The following GYPB variants were observed in gnomAD, a reference collection of about 807,000 sequenced individuals.
GYPB encodes the protein glycophorin B (MNS blood group).
A neutral mutation model predicts 15.3 loss-of-function variants in GYPB; 13 were observed. That is an observed-to-expected ratio of 0.85 (90% confidence interval 0.55 to 1.35). The LOEUF (loss-of-function observed/expected upper bound fraction) is 1.35. Ranked by LOEUF, GYPB falls within the 40% of genes most tolerant of loss-of-function variation. The pLI is 0.00. For synonymous variants in GYPB, 38 were observed against 36.9 expected (o/e 1.03, Z -0.11); for missense variants, 131 against 108.3 (o/e 1.21, Z -0.93).
chr4:144,019,202 T>C lies in GYPB; in HGVS notation c.37+49A>G, dbSNP rs761289498. On this transcript the variant is annotated intron_variant, in intron 1 of 4. Transcript: ENST00000502664. Reference sequence around the variant, plus strand: ...ATAGGGTAGTTCATATTTTATTCTATGATCTCATACCCAATATAACAGAAC... The same window carrying C: ...ATAGGGTAGTTCATATTTTATTCTACGATCTCATACCCAATATAACAGAAC... The C allele has an allele frequency of 6.8e-6, 11 of 1,608,704 alleles. 2 individuals are homozygous for C. The South Asian group carries it at 1.2e-4, about 18-fold the overall frequency.
At chr4:143,995,864 A>C (rs1560701350), downstream of GYPB, among the ~76,000 whole-genome samples, 1 of 151,414 alleles carries the variant, frequency 6.6e-6, no homozygotes, top group Non-Finnish European at 1.5e-5. Flanking sequence ...CCGTTTCAGC[A>C]GTCAGGCACC....
At chr4:143,996,033 C>G, downstream of GYPB, 1 of 846,476 alleles carries the variant, frequency 1.2e-6, no homozygotes, top group Non-Finnish European at 1.7e-6. Context: ...TTCTTCTCAT[C>G]TATCCTACTG....
chr4:144,010,965 T>C (rs993410607), intron 1 of GYPB, among the ~76,000 whole-genome samples: 2 of 151,532 alleles, frequency 1.3e-5, no homozygotes, highest in Non-Finnish European at 2.9e-5. Context: ...AAACAAGGAA[T>C]CATATAATAA....
intron 1 of GYPB, among the ~76,000 whole-genome samples, chr4:144,003,007 A>T (rs979227587): frequency 7.3e-5 from 11 of 151,414 alleles, no homozygotes; most frequent in African/African-American, 2.5e-4. Context: ...TTCAGCACTC[A>T]GGTATAATGG....
intron 1 of GYPB, chr4:144,012,682 A>G (rs1728277287): frequency 6.6e-6 from 1 of 151,632 alleles, no homozygotes; most frequent in Non-Finnish European, 1.5e-5. Context: ...ATGGCCAATT[A>G]ACTTTCAAGA....
intron 1 of GYPB, among the ~76,000 whole-genome samples, chr4:144,006,001 TAA>T (rs1727894380): frequency 6.6e-6 from 1 of 151,614 alleles, no homozygotes; most frequent in South Asian, 2.1e-4. Context: ...CTCAGATTGA[TAA>T]GAGTTTAATG....
intron 1 of GYPB, among the ~76,000 whole-genome samples, chr4:144,011,413 C>T (rs149750347): frequency 0.012 from 1,788 of 150,998 alleles, 90 homozygotes; most frequent in African/African-American, 0.042. Context: ...TAAAACCAAA[C>T]AGGAATAACC....
At chr4:144,011,229 A>T (rs1728204808) in intron 1 of GYPB, among the ~76,000 whole-genome samples, 1 of 151,278 alleles carries the variant, frequency 6.6e-6, no homozygotes, top group South Asian at 2.1e-4. Context: ...AAATACAAAA[A>T]ATTAACTGGG....
At chr4:144,009,828 C>G (rs972098483) in intron 1 of GYPB, among the ~76,000 whole-genome samples, 4 of 150,290 alleles carry the variant, frequency 2.7e-5, no homozygotes, top group Admixed American at 6.6e-5. Context: ...TTAGCCAGGA[C>G]GATCTCGATC....
intron 1 of GYPB, among the ~76,000 whole-genome samples, chr4:144,005,734 A>G (rs1252269768): frequency 6.6e-6 from 1 of 151,754 alleles, no homozygotes; most frequent in Non-Finnish European, 1.5e-5. Flanking sequence ...GCTACCCAGG[A>G]ATAGACAGAC....
At chr4:144,004,102 G>C (rs1167843176) in intron 1 of GYPB, among the ~76,000 whole-genome samples, 1 of 151,726 alleles carries the variant, frequency 6.6e-6, no homozygotes, top group East Asian at 1.9e-4. Flanking sequence ...ATTTGAGACT[G>C]AAAGTTGCCA....
intron 1 of GYPB, among the ~76,000 whole-genome samples, chr4:144,004,542 C>T (rs1727793723): frequency 1.3e-5 from 2 of 151,318 alleles, no homozygotes; most frequent in African/African-American, 4.9e-5. Context: ...AATAGAATCA[C>T]ATGGGGGCAA....
chr4:144,002,859 T>G (rs1727700994), intron 1 of GYPB, among the ~76,000 whole-genome samples: 1 of 151,430 alleles, frequency 6.6e-6, no homozygotes, highest in Admixed American at 6.5e-5. Flanking sequence ...TGTCTATGTT[T>G]TCTCTTCTCT....
chr4:144,002,521 G>A (rs953895190), intron 1 of GYPB: 3 of 1,103,798 alleles, frequency 2.7e-6, no homozygotes, highest in African/African-American at 3.4e-5. Flanking sequence ...TCTTCTGAGA[G>A]TTATAAATCA....
intron 1 of GYPB, among the ~76,000 whole-genome samples, chr4:144,014,791 T>C (rs1728405162): frequency 6.6e-6 from 1 of 151,560 alleles, no homozygotes; most frequent in African/African-American, 2.5e-5. Context: ...TACGTGTATT[T>C]TACTACAATT....
intron 2 of GYPB, chr4:144,000,405 A>G: frequency 9.0e-7 from 1 of 1,116,772 alleles, no homozygotes; most frequent in Non-Finnish European, 1.1e-6. Context: ...CTGGAGGGGA[A>G]ACAGTTGTAA....
At chr4:144,000,412 G>A in intron 2 of GYPB, 1 of 1,142,758 alleles carries the variant, frequency 8.8e-7, no homozygotes, top group Non-Finnish European at 1.1e-6. Flanking sequence ...GGAAACAGTT[G>A]TAACAGAAAT....
At chr4:143,996,076 A>G, downstream of GYPB, 2 of 1,271,788 alleles carry the variant, frequency 1.6e-6, no homozygotes, top group South Asian at 3.4e-5. Context: ...ATAGCTTGAA[A>G]TAACAAATCA....
downstream of GYPB, among the ~76,000 whole-genome samples, chr4:143,995,714 G>A (rs971469993): frequency 6.6e-6 from 1 of 151,190 alleles, no homozygotes; most frequent in African/African-American, 2.5e-5. Context: ...CCTGGCAGGT[G>A]AACTATAATT....
Sources: gnomAD v4.1 joint callset for allele counts (sites outside exome capture counted in the v4.1 genomes callset) on GRCh38, gnomAD v4.1.1 for gene constraint, MANE v1.5 for transcripts, NCBI Gene and HGNC (gene_info 2026-07-23, HGNC 2026-07-21) for gene names.